Variants in SLC2A9 observed in about 807,000 individuals in gnomAD.
The protein encoded by SLC2A9 is solute carrier family 2, facilitated glucose transporter member 9.
Under a neutral mutation model 50.6 loss-of-function variants are expected in SLC2A9, and 39 were observed. That is an observed-to-expected ratio of 0.77 (90% CI 0.60 to 1.01). SLC2A9 has a LOEUF of 1.01. SLC2A9 is among the 50% of genes least tolerant of loss of function. The pLI, the probability that SLC2A9 is intolerant of heterozygous loss-of-function variation, is 0.00. For missense variants in SLC2A9, 686 were observed against 677.6 expected (o/e 1.01, Z -0.14); for synonymous variants, 324 against 276.9 (o/e 1.17, Z -1.69).
rs755809211 is a variant in SLC2A9 at position 9,834,879 on chromosome 4, A to C, written c.1419+2T>G. The C allele has an allele frequency of 3.7e-6, 6 of 1,614,174 alleles. No individual in the cohort carries two copies. The highest frequency in any genetic ancestry group is 5.1e-6 in the Non-Finnish European group (6 of 1,180,026). ...GGGCAAAAGACTCCTTGTCAGTCAT[A>C]CCTGAATGAATGGGAAGAGGAGCCC... On this transcript the variant is annotated splice_donor_variant, in intron 11 of 11. Coordinates refer to ENST00000264784, the MANE Select transcript of SLC2A9 (RefSeq NM_020041.3). LOFTEE classifies it high-confidence loss of function.
At chr4:9,886,771 C>A (rs969059791) in intron 10 of SLC2A9, among the ~76,000 whole-genome samples, 3 of 152,114 alleles carry the variant, frequency 2.0e-5, no homozygotes, top group African/African-American at 7.2e-5. Context: ...CAGACCCTGC[C>A]CTGAGCCCCC....
Position 9,980,739 on chromosome 4 carries a change from T to G in SLC2A9, c.536-2A>C. ...TGGGGAGCACACTGAGGGCGACGCC[T>G]GTAGAGAGAAAGCATAGCAGCAGTT... On this transcript the variant is annotated splice_acceptor_variant, in intron 4 of 11. Coordinates refer to ENST00000264784, the MANE Select transcript of SLC2A9 (RefSeq NM_020041.3). LOFTEE classifies it high-confidence loss of function. The G allele has an allele frequency of 6.2e-7, 1 of 1,614,152 alleles. No homozygotes were observed. The highest frequency in any genetic ancestry group is 8.5e-7 in the Non-Finnish European group (1 of 1,180,006).
At chr4:9,943,855 A>G (rs1323160781) in intron 5 of SLC2A9, among the ~76,000 whole-genome samples, 5 of 152,122 alleles carry the variant, frequency 3.3e-5, no homozygotes, top group Admixed American at 2.0e-4. Context: ...CACGTGCCGG[A>G]TGTGATGTGA....
intron 8 of SLC2A9, among the ~76,000 whole-genome samples, chr4:9,891,843 C>G (rs1267232375): frequency 6.6e-6 from 1 of 152,194 alleles, no homozygotes; most frequent in Admixed American, 6.5e-5. Flanking sequence ...TGGTCCCCAT[C>G]ACGACAGTCA....
intron 5 of SLC2A9, among the ~76,000 whole-genome samples, chr4:9,950,690 G>A (rs1268028895): frequency 0.2 from 9,161 of 46,858 alleles, 2,557 homozygotes; most frequent in African/African-American, 0.46. Context: ...TGGAGAGATC[G>A]AGACCATCCT....
At chr4:9,783,022 C>G in intron 3 of SLC2A9, 6 of 1,614,226 alleles carry the variant, frequency 3.7e-6, no homozygotes, top group Non-Finnish European at 5.1e-6. Flanking sequence ...GCCCTCCGGC[C>G]GGCTTCCCCT....
intron 3 of SLC2A9, among the ~76,000 whole-genome samples, chr4:9,818,150 C>T (rs1275636063): frequency 6.6e-6 from 1 of 152,166 alleles, no homozygotes. Context: ...TCGTGGATGA[C>T]CCTAGCCATG....
intron 5 of SLC2A9, among the ~76,000 whole-genome samples, chr4:9,971,054 C>G (rs370356253): frequency 1.2e-4 from 18 of 152,230 alleles, no homozygotes; most frequent in African/African-American, 4.1e-4. Context: ...TGTTGTGAGC[C>G]CCTAAAAAGG....
chr4:9,853,627 G>A (rs1730301910), intron 10 of SLC2A9, among the ~76,000 whole-genome samples: 1 of 152,130 alleles, frequency 6.6e-6, no homozygotes, highest in African/African-American at 2.4e-5. Flanking sequence ...TTTGGGACCT[G>A]AACTTAACAC....
At chr4:9,884,625 C>A (rs1735842172) in intron 10 of SLC2A9, among the ~76,000 whole-genome samples, 1 of 152,032 alleles carries the variant, frequency 6.6e-6, no homozygotes, top group Non-Finnish European at 1.5e-5. Context: ...TATTAAAAAC[C>A]TGGTTCTCAG....
chr4:9,854,773 T>G (rs1169140831), intron 10 of SLC2A9, among the ~76,000 whole-genome samples: 1 of 152,216 alleles, frequency 6.6e-6, no homozygotes, highest in Non-Finnish European at 1.5e-5. Flanking sequence ...TATGAGGAAG[T>G]AGGCTTTATC....
chr4:10,020,138 G>A (rs1353871318), intron 1 of SLC2A9, among the ~76,000 whole-genome samples: 1 of 151,868 alleles, frequency 6.6e-6, no homozygotes, highest in East Asian at 1.9e-4. Context: ...TGGATCCATG[G>A]TTCAGGGACC....
chr4:9,868,307 C>G (rs1732844799), intron 10 of SLC2A9, among the ~76,000 whole-genome samples: 1 of 152,240 alleles, frequency 6.6e-6, no homozygotes, highest in African/African-American at 2.4e-5. Context: ...AGCCTGGTGC[C>G]TTCACTAGTC....
intron 10 of SLC2A9, among the ~76,000 whole-genome samples, chr4:9,858,104 T>C (rs1033734802): frequency 7.9e-5 from 12 of 152,200 alleles, no homozygotes; most frequent in Admixed American, 4.6e-4. Context: ...TATTGTATTA[T>C]GATATGGGGA....
At chr4:9,811,909 G>C (rs912137037) in intron 3 of SLC2A9, among the ~76,000 whole-genome samples, 5 of 152,168 alleles carry the variant, frequency 3.3e-5, no homozygotes, top group Non-Finnish European at 7.3e-5. Context: ...AAAAAATAAA[G>C]GAGGCAGAGT....
intron 10 of SLC2A9, among the ~76,000 whole-genome samples, chr4:9,884,573 T>C (rs1735836410): frequency 6.6e-6 from 1 of 152,148 alleles, no homozygotes; most frequent in African/African-American, 2.4e-5. Flanking sequence ...TGTGGGAGAA[T>C]GTATGTGATA....
chr4:9,820,028 T>C (rs1724189792), intron 3 of SLC2A9, among the ~76,000 whole-genome samples: 1 of 152,246 alleles, frequency 6.6e-6, no homozygotes, highest in Non-Finnish European at 1.5e-5. Flanking sequence ...CTTTTATGGA[T>C]TGTGTTTTGG....
At chr4:9,919,531 T>C (rs1743519252) in intron 7 of SLC2A9, among the ~76,000 whole-genome samples, 1 of 149,368 alleles carries the variant, frequency 6.7e-6, no homozygotes, top group Admixed American at 6.8e-5. Context: ...GGTCTCACGC[T>C]TATTTAGTAT....
downstream of SLC2A9, among the ~76,000 whole-genome samples, chr4:9,778,053 T>TTTCCTTCCTTCCTTTCTTCC (rs1717808538): frequency 7.1e-5 from 1 of 14,052 alleles, no homozygotes; most frequent in African/African-American, 2.1e-4. Context: ...TCTTTCTTTC[T>TTTCCTTCCTTCCTTTCTTCC]TTCCTTCCTT....
Sources: gnomAD v4.1 joint callset for allele counts (sites outside exome capture counted in the v4.1 genomes callset) on GRCh38, gnomAD v4.1.1 for gene constraint, MANE v1.5 for transcripts, NCBI Gene and HGNC (gene_info 2026-07-23, HGNC 2026-07-21) for gene names.